Variants in AKR1C3 observed in about 807,000 individuals in gnomAD.
The protein encoded by AKR1C3 is 3-alpha hydroxysteroid dehydrogenase, type II.
Under a neutral mutation model 43.6 loss-of-function variants are expected in AKR1C3, and 48 were observed. That is an observed-to-expected ratio of 1.10 (90% confidence interval 0.87 to 1.40). The LOEUF (loss-of-function observed/expected upper bound fraction) is 1.40, where lower values mean the gene tolerates loss of function less well. AKR1C3 is among the 40% of genes most tolerant of loss of function. The probability of loss-of-function intolerance (pLI) is 0.00; values close to 1 mark genes in which losing one functional copy is unlikely to be tolerated. For missense variants in AKR1C3, 482 were observed against 391.2 expected (o/e 1.23, Z -1.96); for synonymous variants, 162 against 139.6 (o/e 1.16, Z -1.13).
intron 1 of AKR1C3, chr10:5,078,041 T>G: frequency 1.5e-6 from 1 of 650,046 alleles, no homozygotes; most frequent in Non-Finnish European, 2.7e-6. Flanking sequence ...ATTACTATAT[T>G]TTGTAAATGG....
chr10:5,098,278 C>T, intron 3 of AKR1C3: 1 of 826,224 alleles, frequency 1.2e-6, no homozygotes, highest in Non-Finnish European at 1.5e-6. Flanking sequence ...TATTGTTGAC[C>T]CAAACTTTTT....
At chr10:5,049,161 C>G (rs556364913) in intron 1 of AKR1C3, among the ~76,000 whole-genome samples, 5 of 152,230 alleles carry the variant, frequency 3.3e-5, no homozygotes, top group African/African-American at 9.6e-5. Context: ...TGTCAGAATC[C>G]ATGAAACTCA....
chr10:5,074,973 C>T (rs1432245896), intron 1 of AKR1C3, among the ~76,000 whole-genome samples: 2 of 152,170 alleles, frequency 1.3e-5, no homozygotes, highest in Non-Finnish European at 2.9e-5. Flanking sequence ...ATATCCCGCC[C>T]TTTCCCCTTT....
intron 1 of AKR1C3, among the ~76,000 whole-genome samples, chr10:5,062,854 TA>T (rs57602420): frequency 0.46 from 64,259 of 138,342 alleles, 14,823 homozygotes; most frequent in East Asian, 0.78. Flanking sequence ...AACTCCTAGT[TA>T]AAAAAAAAAA....
chr10:5,090,210 T>C (rs1672553364), upstream of AKR1C3, among the ~76,000 whole-genome samples: 1 of 152,124 alleles, frequency 6.6e-6, no homozygotes, highest in Non-Finnish European at 1.5e-5. Flanking sequence ...CAGAGATATA[T>C]CTGGGTAGAG....
chr10:5,086,936 T>C (rs1157611956), intron 1 of AKR1C3, among the ~76,000 whole-genome samples: 1 of 152,180 alleles, frequency 6.6e-6, no homozygotes, highest in Non-Finnish European at 1.5e-5. Flanking sequence ...TTGATAGATC[T>C]TCCTCCATCC....
chr10:5,105,159 T>A (rs1839466863), intron 7 of AKR1C3: 1 of 153,314 alleles, frequency 6.5e-6, no homozygotes, highest in South Asian at 2.0e-4. Context: ...TGAAAACAAA[T>A]GTTGTTTGCA....
At chr10:5,056,875 G>A (rs966477308) in intron 1 of AKR1C3, among the ~76,000 whole-genome samples, 5 of 152,206 alleles carry the variant, frequency 3.3e-5, no homozygotes, top group African/African-American at 1.2e-4. Flanking sequence ...AATACCTGGT[G>A]CCAGGCTGTC....
At chr10:5,062,728 C>G (rs1333191582) in intron 1 of AKR1C3, among the ~76,000 whole-genome samples, 1 of 151,844 alleles carries the variant, frequency 6.6e-6, no homozygotes, top group Non-Finnish European at 1.5e-5. Context: ...ATTTCTTTAG[C>G]AAGCATAACA....
intron 1 of AKR1C3, among the ~76,000 whole-genome samples, chr10:5,051,239 G>A (rs1213770256): frequency 1.3e-5 from 2 of 152,134 alleles, no homozygotes; most frequent in Non-Finnish European, 1.5e-5. Flanking sequence ...GGAATTACAG[G>A]TGCCTGCCAC....
rs148310014 is a variant in AKR1C3 at position 5,096,061 on chromosome 10, G to C, written c.85-349G>C. The C allele has an allele frequency of 2.0e-4, 34 of 170,580 alleles. 1 individual carries two copies. In the South Asian group the frequency reaches 5.1e-3, roughly 26 times the overall value. 10.6% of individuals were successfully genotyped at this position (170,580 alleles called of 1,614,324 possible). On this transcript the variant is annotated intron_variant, in intron 1 of 8. Coordinates refer to ENST00000380554, the MANE Select transcript of AKR1C3 (RefSeq NM_003739.6). ...GAGAGAACTCATATGAGCTTGCACC[G>C]TTTCCCTTCTATACTCCATGTGATT...
intron 1 of AKR1C3, among the ~76,000 whole-genome samples, chr10:5,061,172 G>T (rs1211407838): frequency 6.6e-6 from 1 of 152,208 alleles, no homozygotes; most frequent in Non-Finnish European, 1.5e-5. Context: ...AGTGAGCGAG[G>T]ACTGCAAGGG....
chr10:5,097,881 G>T, intron 3 of AKR1C3: 3 of 1,116,848 alleles, frequency 2.7e-6, no homozygotes, highest in Non-Finnish European at 3.3e-6. Context: ...TCATGCAGTT[G>T]TGGTGCCCAA....
chr10:5,054,041 G>A (rs1379806175), intron 1 of AKR1C3, among the ~76,000 whole-genome samples: 1 of 152,220 alleles, frequency 6.6e-6, no homozygotes, highest in Non-Finnish European at 1.5e-5. Flanking sequence ...GAATTTGAAA[G>A]GCGTTGTCTG....
intron 1 of AKR1C3, among the ~76,000 whole-genome samples, chr10:5,095,413 C>T (rs1200509211): frequency 6.6e-6 from 1 of 150,756 alleles, no homozygotes; most frequent in African/African-American, 2.4e-5. Flanking sequence ...AATAACGACA[C>T]AACTGAAGCT....
intron 1 of AKR1C3, among the ~76,000 whole-genome samples, chr10:5,074,079 T>C (rs753023457): frequency 5.3e-5 from 8 of 152,008 alleles, no homozygotes; most frequent in Non-Finnish European, 1.2e-4. Context: ...TAACCATTTG[T>C]CTCTTATCTA....
chr10:5,058,025 G>A (rs1468521682), intron 1 of AKR1C3, among the ~76,000 whole-genome samples: 4 of 152,148 alleles, frequency 2.6e-5, no homozygotes, highest in Non-Finnish European at 5.9e-5. Flanking sequence ...ATGTACCCGG[G>A]TTGGGCCAAA....
At chr10:5,102,711 T>C in intron 7 of AKR1C3, 61 bp downstream of exon 7, 2 of 1,457,754 alleles carry the variant, frequency 1.4e-6, no homozygotes, top group Non-Finnish European at 1.8e-6. Context: ...CGTGTGCTTC[T>C]TGTAAGGCTC....
At chr10:5,094,334 T>A, upstream of AKR1C3, 1 of 1,235,996 alleles carries the variant, frequency 8.1e-7, no homozygotes, top group Non-Finnish European at 1.1e-6. Flanking sequence ...TGCCATTGGT[T>A]AACCATCAGT....
Sources: gnomAD v4.1 joint callset for allele counts (sites outside exome capture counted in the v4.1 genomes callset) on GRCh38, gnomAD v4.1.1 for gene constraint, MANE v1.5 for transcripts, NCBI Gene and HGNC (gene_info 2026-07-23, HGNC 2026-07-21) for gene names.